The following IPMK variants were observed in gnomAD, a reference collection of about 807,000 sequenced individuals.
IPMK encodes the protein inositol 1,3,4,6-tetrakisphosphate 5-kinase.
Under a neutral mutation model 45.8 loss-of-function variants are expected in IPMK, and 17 were observed. The ratio of observed to expected loss-of-function variants is 0.37; its 90% CI spans 0.25 to 0.56. The LOEUF (loss-of-function observed/expected upper bound fraction) is 0.56, where lower values mean the gene tolerates loss of function less well. IPMK is among the 20% of genes least tolerant of loss of function. The pLI, the probability that IPMK is intolerant of heterozygous loss-of-function variation, is 0.79. For missense variants in IPMK, 399 were observed against 498.0 expected, an observed-to-expected ratio of 0.80 and a Z score of 1.89; for synonymous variants, 180 against 184.3, an observed-to-expected ratio of 0.98 and a Z score of 0.19.
chr10:58,197,915 G>C (rs1442400427), intron 5 of IPMK, among the ~76,000 whole-genome samples: 1 of 150,508 alleles, frequency 6.6e-6, no homozygotes, highest in Non-Finnish European at 1.5e-5. Flanking sequence ...TGTAGTCCCA[G>C]CTACTTGGGA....
intron 1 of IPMK, among the ~76,000 whole-genome samples, chr10:58,258,253 T>C (rs1312338127): frequency 6.6e-6 from 1 of 152,120 alleles, no homozygotes; most frequent in Non-Finnish European, 1.5e-5. Context: ...GAGGTTGCAG[T>C]GAGCCAAGAC....
chr10:58,242,273 T>C (rs750437728), intron 1 of IPMK, among the ~76,000 whole-genome samples: 4 of 151,902 alleles, frequency 2.6e-5, no homozygotes, highest in African/African-American at 7.3e-5. Context: ...TTGGCTAACA[T>C]GGTGAAACCC....
intron 1 of IPMK, among the ~76,000 whole-genome samples, chr10:58,248,946 G>A (rs1582159): frequency 0.15 from 22,776 of 152,154 alleles, 2,334 homozygotes; most frequent in African/African-American, 0.29. Flanking sequence ...TTGTGGACAC[G>A]TAGGTTGATT....
At chr10:58,210,162 C>T (rs187129671) in intron 4 of IPMK, among the ~76,000 whole-genome samples, 3 of 152,026 alleles carry the variant, frequency 2.0e-5, no homozygotes, top group African/African-American at 7.3e-5. Context: ...TCCAGAGGAA[C>T]GTATTGCTGT....
intron 1 of IPMK, among the ~76,000 whole-genome samples, chr10:58,262,010 G>A (rs780945729): frequency 8.5e-5 from 13 of 152,106 alleles, no homozygotes; most frequent in Admixed American, 2.6e-4. Flanking sequence ...ACCAAACACC[G>A]CATGTTCTCA....
intron 1 of IPMK, among the ~76,000 whole-genome samples, chr10:58,240,009 A>T (rs1267976932): frequency 1.3e-5 from 2 of 152,246 alleles, no homozygotes; most frequent in African/African-American, 4.8e-5. Context: ...TCAAGAAAAA[A>T]TTATGACACA....
At chr10:58,255,181 T>C (rs1269787651) in intron 1 of IPMK, among the ~76,000 whole-genome samples, 2 of 151,506 alleles carry the variant, frequency 1.3e-5, no homozygotes, top group African/African-American at 4.9e-5. Context: ...GAGTACTGAG[T>C]AGCCACAAAG....
At chr10:58,238,138 C>T (rs1368013478) in intron 1 of IPMK, among the ~76,000 whole-genome samples, 1 of 152,174 alleles carries the variant, frequency 6.6e-6, no homozygotes, top group Non-Finnish European at 1.5e-5. Flanking sequence ...AAGATGTTAA[C>T]TTATAGTTAT....
At chr10:58,252,729 C>T (rs771882641) in intron 1 of IPMK, among the ~76,000 whole-genome samples, 11 of 151,084 alleles carry the variant, frequency 7.3e-5, no homozygotes, top group South Asian at 2.1e-4. Flanking sequence ...TCTCCTGCCT[C>T]GACTGCCTGA....
chr10:58,267,520 C>T lies in IPMK; in HGVS notation c.92G>A (p.Gly31Asp), dbSNP rs760458629. The T allele has an allele frequency of 1.6e-5, 26 of 1,613,020 alleles. No individual in the cohort carries two copies. The African/African-American group carries it at 3.3e-4, about 21-fold the overall frequency. ...TSPAIESTPE[G>D]TPQPAGGRLR... ...TCTGCCGCCCGCCGGCTGCGGGGTG[C>T]CCTCAGGGGTGGACTCGATCGCCGG... is the stretch of plus-strand genomic sequence containing the variant. The change falls in exon 1 of 6, where the codon GGC becomes GAC. Residue 31 changes from glycine (G) to aspartate (D), a missense_variant. Transcript: ENST00000373935.
chr10:58,199,420 A>T, intron 4 of IPMK, 99 bp from the exon 5 acceptor site: 1 of 620,686 alleles, frequency 1.6e-6, no homozygotes, highest in South Asian at 3.0e-5. Context: ...CTACTCAGGT[A>T]ATTCATTCTA....
At chr10:58,248,887 G>A (rs918168750) in intron 1 of IPMK, among the ~76,000 whole-genome samples, 1 of 152,132 alleles carries the variant, frequency 6.6e-6, no homozygotes, top group African/African-American at 2.4e-5. Flanking sequence ...CTTTTCTATG[G>A]CTGAAAAATA....
chr10:58,223,359 A>G (rs932845599), intron 3 of IPMK, among the ~76,000 whole-genome samples: 6 of 152,158 alleles, frequency 3.9e-5, no homozygotes, highest in African/African-American at 1.4e-4. Context: ...AAAGAGCCCT[A>G]CAGAAAAATC....
At chr10:58,231,360 C>T (rs1196016792) in intron 2 of IPMK, among the ~76,000 whole-genome samples, 1 of 152,026 alleles carries the variant, frequency 6.6e-6, no homozygotes, top group Non-Finnish European at 1.5e-5. Flanking sequence ...AAGAGCAACC[C>T]CAAGACACAT....
chr10:58,210,429 T>C (rs1214212473), intron 4 of IPMK, among the ~76,000 whole-genome samples: 1 of 152,178 alleles, frequency 6.6e-6, no homozygotes, highest in East Asian at 1.9e-4. Flanking sequence ...CCTGTGCTCC[T>C]ATCTGCAGCA....
At position 58,193,014 on chromosome 10, in the gene IPMK, C is replaced by T. The variant is rs1837839071; in HGVS notation, c.*3062G>A. On this transcript the variant is annotated 3_prime_UTR_variant, in exon 6 of 6. Transcript: ENST00000373935. ...AATGTACTAAAATGACAATGCTTTA[C>T]CATAGTGGACACAATTCCTGTAATT... is the stretch of plus-strand genomic sequence containing the variant. 6.6e-6 allele frequency: 1 copy of T among 151,932 alleles called. No individual in the cohort carries two copies. The highest frequency in any genetic ancestry group is 1.9e-4 in the East Asian group (1 of 5,196). 9.4% of individuals were successfully genotyped at this position (151,932 alleles called of 1,614,324 possible).
At chr10:58,229,784 C>T (rs1021058215) in intron 2 of IPMK, among the ~76,000 whole-genome samples, 4 of 152,084 alleles carry the variant, frequency 2.6e-5, no homozygotes, top group South Asian at 2.1e-4. Flanking sequence ...GTGTGATCGA[C>T]GCAGAAGACG....
intron 1 of IPMK, among the ~76,000 whole-genome samples, chr10:58,238,452 T>C (rs905460427): frequency 6.6e-6 from 1 of 152,206 alleles, no homozygotes; most frequent in African/African-American, 2.4e-5. Flanking sequence ...GAAGTCATCA[T>C]ATATATACCA....
intron 4 of IPMK, among the ~76,000 whole-genome samples, chr10:58,211,194 T>G (rs12260521): frequency 1.2e-3 from 85 of 72,604 alleles, no homozygotes; most frequent in African/African-American, 4.6e-3. Flanking sequence ...TACCCGGTTT[T>G]TTTTTTTTTT....
Sources: gnomAD v4.1 joint callset for allele counts (sites outside exome capture counted in the v4.1 genomes callset) on GRCh38, gnomAD v4.1.1 for gene constraint, MANE v1.5 for transcripts, NCBI Gene and HGNC (gene_info 2026-07-23, HGNC 2026-07-21) for gene names.